CNTD1: variants seen among roughly 807,000 people sequenced by gnomAD.
CNTD1 encodes the protein cyclin N-terminal domain containing 1.
CNTD1 carries 17 observed loss-of-function variants against 36.3 expected under a neutral mutation model. The ratio of observed to expected loss-of-function variants is 0.47; its 90% confidence interval spans 0.32 to 0.70. CNTD1 has a LOEUF of 0.70. Ranked by LOEUF, CNTD1 falls within the 30% of genes least tolerant of loss-of-function variation. The pLI is 0.03. For synonymous variants in CNTD1, 128 were observed against 153.3 expected, an observed-to-expected ratio of 0.83 and a Z score of 1.22; for missense variants, 338 against 386.1, an observed-to-expected ratio of 0.88 and a Z score of 1.04.
At chr17:42,800,012 T>C (rs892325132) in intron 1 of CNTD1, among the ~76,000 whole-genome samples, 1 of 138,028 alleles carries the variant, frequency 7.2e-6, no homozygotes, top group Admixed American at 8.0e-5. Flanking sequence ...TGCAGTGAGC[T>C]GAGATGGCGC....
In CNTD1 at chr17:42,804,229, A is replaced by T; in HGVS notation, c.250A>T (p.Met84Leu). 6.2e-7 allele frequency: 1 copy of T among 1,613,368 alleles called. No individual in the cohort carries two copies. Among genetic ancestry groups the T allele is most frequent in the Non-Finnish European group, 8.5e-7 (1 of 1,179,560 alleles). Residue 84 changes from methionine (M) to leucine (L), a missense_variant, in exon 3 of 7, where the codon ATG becomes TTG. By Grantham distance (15) the Met-to-Leu change is conservative (BLOSUM62 2). Transcript: ENST00000588408. ...YQAVEILERF[M>L]VKQAENICRQ... ...CTCTCCCTCCCTTCCCTACAGGTTT[A>T]TGGTAAAACAGGCAGAGAACATCTG...
intron 1 of CNTD1, among the ~76,000 whole-genome samples, chr17:42,800,850 G>A (rs535343060): frequency 3.3e-5 from 5 of 152,280 alleles, no homozygotes; most frequent in Admixed American, 6.5e-5. Flanking sequence ...TATGCTAAAC[G>A]GTTGAGCCTG....
At position 42,809,596 on chromosome 17, in the gene CNTD1, T is replaced by C; in HGVS notation, c.*61T>C. 1 of 1,463,858 alleles carries C rather than the reference T, an allele frequency of 6.8e-7. No individual in the cohort carries two copies. Among genetic ancestry groups the C allele is most frequent in the Non-Finnish European group, 9.5e-7 (1 of 1,056,928 alleles). 90.7% of individuals were successfully genotyped at this position (1,463,858 alleles called of 1,614,324 possible). On this transcript the variant is annotated 3_prime_UTR_variant, in exon 7 of 7. Transcript: ENST00000588408. ...GTCACTGCACTCATGCCTCCCTCTG[T>C]TTACTTTCATACTAAGGGTACAAAA...
At chr17:42,805,690 C>T in intron 3 of CNTD1, 32 bp from the exon 4 acceptor site, 1 of 1,591,106 alleles carries the variant, frequency 6.3e-7, no homozygotes, top group Non-Finnish European at 8.6e-7. Flanking sequence ...TTTATCCTAA[C>T]ATTCTTCTTT....
rs1185726270 is a variant in CNTD1 at position 42,809,454 on chromosome 17, CA to C, written c.914del (p.Asn305ThrfsTer18). ...YAILTHGVGA[N>X]TPGRQQSIPP... ...CAATCCTGACTCACGGAGTGGGAGC[CA>C]ACACTCCGGGGAGACAGCAGTCTAT... On this transcript the variant is annotated frameshift_variant, in exon 7 of 7. Transcript: ENST00000588408. LOFTEE classifies it high-confidence loss of function. The C allele has an allele frequency of 1.9e-6, 3 of 1,613,922 alleles. No homozygotes were observed. The highest frequency in any genetic ancestry group is 2.5e-6 in the Non-Finnish European group (3 of 1,179,782).
Position 42,799,052 on chromosome 17 carries a change from C to A in CNTD1, c.-16C>A. On this transcript the variant is annotated 5_prime_UTR_variant, in exon 1 of 7. Coordinates refer to ENST00000588408, the MANE Select transcript of CNTD1 (RefSeq NM_173478.3). Reference sequence around the variant, plus strand: ...ATCCAGTGAACCCGTCCAGGTGCCCCAAGAGGCTCGTGAATATGGACGGAC... The same window carrying A: ...ATCCAGTGAACCCGTCCAGGTGCCCAAAGAGGCTCGTGAATATGGACGGAC... The A allele has an allele frequency of 6.2e-7, 1 of 1,613,014 alleles. No homozygotes were observed. The highest frequency in any genetic ancestry group is 1.3e-5 in the African/African-American group (1 of 74,982).
At position 42,808,517 on chromosome 17, in the gene CNTD1, C is replaced by T. The variant is rs1325806579; in HGVS notation, c.822+653C>T. 2.4e-4 allele frequency among the ~76,000 whole-genome samples: 35 copies of T among 146,666 alleles called. No homozygotes were observed. The Admixed American group carries it at 2.4e-3, about 10-fold the overall frequency. ...AGTGAGCCAAGATTTCACCACTGTA[C>T]TCCAACCTGGGAGACAGAGTGAGAC... On this transcript the variant is annotated intron_variant, in intron 6 of 6. Transcript: ENST00000588408.
chr17:42,804,932 A>G (rs2054853968), intron 3 of CNTD1, among the ~76,000 whole-genome samples: 2 of 152,132 alleles, frequency 1.3e-5, no homozygotes, highest in African/African-American at 2.4e-5. Flanking sequence ...ACACACACGC[A>G]CACACATGAT....
Position 42,805,750 on chromosome 17 carries a change from T to G in CNTD1, c.446T>G (p.Phe149Cys), listed in dbSNP as rs1242318277. ...KIISNITVLNFLQALGYLHTK... is the reference protein window; with the variant it reads ...KIISNITVLNCLQALGYLHTK... Reference sequence around the variant, plus strand: ...ATCAGCAACATTACAGTCTTGAATTTCCTCCAGGCTCTAGGCTATCTACAC... The same window carrying G: ...ATCAGCAACATTACAGTCTTGAATTGCCTCCAGGCTCTAGGCTATCTACAC... Residue 149 changes from phenylalanine to cysteine, a missense_variant, in exon 4 of 7, where the codon TTC (phenylalanine) becomes TGC (cysteine). Phe to Cys is a radical substitution (Grantham distance 205, BLOSUM62 -2). Transcript: ENST00000588408. The G allele has an allele frequency of 6.2e-7, 1 of 1,612,108 alleles. No individual in the cohort carries two copies. The highest frequency in any genetic ancestry group is 2.2e-5 in the East Asian group (1 of 44,854).
chr17:42,798,813 A>AG, upstream of CNTD1: 1 of 1,449,704 alleles, frequency 6.9e-7, no homozygotes, highest in Non-Finnish European at 9.0e-7. Flanking sequence ...TCCCGGGCAC[A>AG]GGGGATGGAC....
In CNTD1 at chr17:42,810,781, G is replaced by A. The variant is rs1457247137; in HGVS notation, c.*1246G>A. Reference sequence around the variant, plus strand: ...AAAGTCATTTGTTATAAAATTGTGAGGACACCCAAGCAAGACCCCACTTAA... The same window carrying A: ...AAAGTCATTTGTTATAAAATTGTGAAGACACCCAAGCAAGACCCCACTTAA... On this transcript the variant is annotated 3_prime_UTR_variant, in exon 7 of 7. Coordinates refer to ENST00000588408, the MANE Select transcript of CNTD1 (RefSeq NM_173478.3). The A allele has an allele frequency of 1.2e-6, 2 of 1,609,376 alleles. No homozygotes were observed. The highest frequency in any genetic ancestry group is 1.7e-6 in the Non-Finnish European group (2 of 1,178,060).
intron 1 of CNTD1, among the ~76,000 whole-genome samples, chr17:42,801,539 ATATATATAATATATG>A (rs2054792932): frequency 1.6e-4 from 11 of 68,888 alleles, no homozygotes; most frequent in Admixed American, 3.5e-4. Context: ...ATATATATAT[ATATATATAATATATG>A]TGTGTGTGTG....
intron 6 of CNTD1, 30 bp from the exon 7 acceptor site, chr17:42,809,335 G>A (rs771805932): frequency 1.9e-6 from 3 of 1,578,124 alleles, no homozygotes; most frequent in East Asian, 4.5e-5. Flanking sequence ...AGATTTTTTA[G>A]TAATAAGAAA....
chr17:42,807,475 A>G (rs1357318706), intron 5 of CNTD1, among the ~76,000 whole-genome samples: 1 of 152,180 alleles, frequency 6.6e-6, no homozygotes, highest in Non-Finnish European at 1.5e-5. Context: ...AGAGTGTTTG[A>G]TTACTGTAAA....
intron 1 of CNTD1, among the ~76,000 whole-genome samples, chr17:42,802,771 T>C (rs1380966262): frequency 1.3e-5 from 2 of 152,238 alleles, no homozygotes; most frequent in African/African-American, 4.8e-5. Flanking sequence ...GGATCAATGC[T>C]AAAAGGTCTT....
chr17:42,801,907 A>G (rs908536468), intron 1 of CNTD1, among the ~76,000 whole-genome samples: 5 of 152,150 alleles, frequency 3.3e-5, no homozygotes, highest in Non-Finnish European at 7.3e-5. Flanking sequence ...GGAGACTTTG[A>G]AAAGGATAAT....
intron 1 of CNTD1, among the ~76,000 whole-genome samples, chr17:42,801,510 A>AAATATATATAT: frequency 1.8e-5 from 1 of 54,344 alleles, no homozygotes; most frequent in South Asian, 6.3e-4. Flanking sequence ...AAAAAAAAAA[A>AAATATATATAT]ATATATATAT....
intron 6 of CNTD1, 62 bp from the exon 7 acceptor site, chr17:42,809,303 G>A (rs541912937): frequency 1.8e-5 from 26 of 1,420,550 alleles, no homozygotes; most frequent in African/African-American, 5.6e-5. Context: ...TAATGTGTGT[G>A]TTTGTGCACT....
Position 42,810,788 on chromosome 17 carries a change from C to T in CNTD1, c.*1253C>T, listed in dbSNP as rs1364111667. On this transcript the variant is annotated 3_prime_UTR_variant, in exon 7 of 7. Transcript: ENST00000588408. Reference sequence around the variant, plus strand: ...TTTGTTATAAAATTGTGAGGACACCCAAGCAAGACCCCACTTAAGATTCGT... The same window carrying T: ...TTTGTTATAAAATTGTGAGGACACCTAAGCAAGACCCCACTTAAGATTCGT... The T allele has an allele frequency of 3.1e-6, 5 of 1,611,988 alleles. No individual in the cohort carries two copies. The highest frequency in any genetic ancestry group is 4.2e-6 in the Non-Finnish European group (5 of 1,179,124).
Sources: allele counts gnomAD v4.1 joint callset (sites outside exome capture counted in the v4.1 genomes callset), GRCh38; gene constraint gnomAD v4.1.1; transcripts MANE v1.5; gene names NCBI Gene and HGNC (gene_info 2026-07-23, HGNC 2026-07-21).